The following DIAPH2 variants were observed in gnomAD, a reference collection of about 807,000 sequenced individuals.
DIAPH2 encodes protein diaphanous homolog 2.
DIAPH2 carries 35 observed loss-of-function variants against 92.7 expected under a neutral mutation model. The ratio of observed to expected loss-of-function variants is 0.38; its 90% confidence interval spans 0.29 to 0.50. The LOEUF (loss-of-function observed/expected upper bound fraction) is 0.50, where lower values mean the gene tolerates loss of function less well. DIAPH2 is among the 20% of genes least tolerant of loss of function. DIAPH2 has a pLI of 0.94. For missense variants in DIAPH2, 701 were observed against 819.5 expected, an observed-to-expected ratio of 0.86 and a Z score of 1.77; for synonymous variants, 301 against 280.4, an observed-to-expected ratio of 1.07 and a Z score of -0.73.
intron 17 of DIAPH2, among the ~76,000 whole-genome samples, chrX:96,998,468 A>G (rs1008077967): frequency 3.6e-5 from 4 of 111,626 alleles, no homozygotes; most frequent in Non-Finnish European, 7.5e-5. Context: ...CACATTAATC[A>G]TTTTTAGTTT....
At chrX:97,579,082 CAT>C (rs1381818452) in intron 26 of DIAPH2, among the ~76,000 whole-genome samples, 1 of 107,103 alleles carries the variant, frequency 9.3e-6, no homozygotes, top group Non-Finnish European at 1.9e-5. Flanking sequence ...CCCTTTGTCA[CAT>C]GAGTAGGTTG....
At chrX:96,838,629 C>T (rs2064914656) in intron 4 of DIAPH2, among the ~76,000 whole-genome samples, 1 of 111,740 alleles carries the variant, frequency 8.9e-6, no homozygotes, top group African/African-American at 3.2e-5. Context: ...AGTCTCATTT[C>T]TTTAACAGGG....
In DIAPH2 at chrX:97,205,355, A is replaced by G. The variant is rs770865846; in HGVS notation, c.2720-42360A>G. On this transcript the variant is annotated intron_variant, in intron 22 of 26. Coordinates refer to ENST00000324765, the MANE Select transcript of DIAPH2 (RefSeq NM_006729.5). Reference sequence around the variant, plus strand: ...CTAATTAAACAAAGAGCTTCTGCACAGCAAAAGAAACTAGCATCAGAGTGA... The same window carrying G: ...CTAATTAAACAAAGAGCTTCTGCACGGCAAAAGAAACTAGCATCAGAGTGA... Among the ~76,000 whole-genome samples the G allele has an allele frequency of 4.9e-3, 553 of 112,238 alleles. 2 individuals carry two copies. Among genetic ancestry groups the G allele is most frequent in the Non-Finnish European group, 7.8e-3 (417 of 53,264 alleles).
chrX:96,700,531 A>T (rs954647131), intron 1 of DIAPH2, among the ~76,000 whole-genome samples: 1 of 112,635 alleles, frequency 8.9e-6, no homozygotes, highest in African/African-American at 3.2e-5. Context: ...TCTAAGTTTG[A>T]TACTTTGTCA....
At chrX:96,721,668 G>A (rs1027243937) in intron 1 of DIAPH2, among the ~76,000 whole-genome samples, 3 of 111,699 alleles carry the variant, frequency 2.7e-5, no homozygotes, top group Non-Finnish European at 5.6e-5. Context: ...ATATGTTGAG[G>A]TGCTTCCCTC....
chrX:97,257,034 A>G (rs2068243111), intron 23 of DIAPH2, among the ~76,000 whole-genome samples: 1 of 110,902 alleles, frequency 9.0e-6, no homozygotes, highest in South Asian at 3.8e-4. Context: ...AGTATAGGAA[A>G]TCATTGTTTA....
chrX:96,932,246 A>G (rs1365314624), intron 10 of DIAPH2, among the ~76,000 whole-genome samples: 1 of 110,713 alleles, frequency 9.0e-6, no homozygotes, highest in African/African-American at 3.3e-5. Flanking sequence ...CTACTCGTTT[A>G]TTAATATGCC....
intron 26 of DIAPH2, among the ~76,000 whole-genome samples, chrX:97,563,787 C>T (rs2147870374): frequency 9.2e-6 from 1 of 108,381 alleles, no homozygotes; most frequent in African/African-American, 3.4e-5. Context: ...TTCTCAGTTT[C>T]AAACTTGAAA....
intron 22 of DIAPH2, among the ~76,000 whole-genome samples, chrX:97,240,452 A>G (rs2068084234): frequency 9.0e-6 from 1 of 110,667 alleles, no homozygotes; most frequent in Non-Finnish European, 1.9e-5. Context: ...TAAAAATACA[A>G]AAAGTTAGCC....
intron 24 of DIAPH2, among the ~76,000 whole-genome samples, chrX:97,366,492 A>T (rs1454863352): frequency 8.9e-6 from 1 of 111,789 alleles, no homozygotes; most frequent in African/African-American, 3.2e-5. Context: ...CCTCATGTTT[A>T]CTCCATTTTA....
At chrX:97,058,705 C>T (rs1433886305) in intron 17 of DIAPH2, among the ~76,000 whole-genome samples, 3 of 110,690 alleles carry the variant, frequency 2.7e-5, no homozygotes, top group Non-Finnish European at 5.7e-5. Context: ...GACAGAAGAT[C>T]ATCACTTTCA....
At chrX:96,921,959 G>T (rs1193106116) in intron 9 of DIAPH2, among the ~76,000 whole-genome samples, 4 of 110,917 alleles carry the variant, frequency 3.6e-5, no homozygotes, top group African/African-American at 1.3e-4. Context: ...TATACATCCA[G>T]CTCAGTGACT....
chrX:96,853,531 G>C (rs2065017876), intron 4 of DIAPH2, among the ~76,000 whole-genome samples: 1 of 110,936 alleles, frequency 9.0e-6, no homozygotes, highest in African/African-American at 3.3e-5. Context: ...ATCATCCTAG[G>C]TTCTGCTGGT....
chrX:97,050,509 T>G (rs760453040), intron 17 of DIAPH2, among the ~76,000 whole-genome samples: 73 of 108,409 alleles, frequency 6.7e-4, no homozygotes, highest in East Asian at 2.8e-3. Context: ...TTTTTTTGTT[T>G]TTTTTTTTTT....
intron 3 of DIAPH2, among the ~76,000 whole-genome samples, chrX:96,739,803 G>C (rs1476370701): frequency 9.0e-6 from 1 of 111,204 alleles, no homozygotes; most frequent in Non-Finnish European, 1.9e-5. Flanking sequence ...TCCTGCTTCT[G>C]TGGTGCACCC....
chrX:96,887,607 C>CT (rs2065272266), intron 5 of DIAPH2, among the ~76,000 whole-genome samples: 3 of 111,590 alleles, frequency 2.7e-5, no homozygotes, highest in Non-Finnish European at 5.6e-5. Flanking sequence ...ATATAATAAT[C>CT]TTACTATGGT....
intron 23 of DIAPH2, among the ~76,000 whole-genome samples, chrX:97,293,104 A>C (rs1224514242): frequency 9.0e-6 from 1 of 110,869 alleles, no homozygotes; most frequent in Non-Finnish European, 1.9e-5. Flanking sequence ...TTAGGCCAAC[A>C]AATCTACTCT....
At chrX:97,389,695 T>A (rs764253107) in intron 25 of DIAPH2, among the ~76,000 whole-genome samples, 6 of 110,715 alleles carry the variant, frequency 5.4e-5, no homozygotes, top group Admixed American at 9.7e-5. Context: ...ACCAATACCC[T>A]GAGACAACTG....
intron 4 of DIAPH2, among the ~76,000 whole-genome samples, chrX:96,796,103 C>T (rs1180220632): frequency 8.9e-6 from 1 of 112,098 alleles, no homozygotes; most frequent in Non-Finnish European, 1.9e-5. Context: ...CTAGGGATAA[C>T]TGTATAATTA....
Sources: allele counts gnomAD v4.1 joint callset (sites outside exome capture counted in the v4.1 genomes callset), GRCh38; gene constraint gnomAD v4.1.1; transcripts MANE v1.5; gene names NCBI Gene and HGNC (gene_info 2026-07-23, HGNC 2026-07-21).